The following CADPS variants were observed in gnomAD, a reference collection of about 807,000 sequenced individuals.
CADPS encodes calcium-dependent secretion activator 1.
CADPS carries 57 observed loss-of-function variants against 167.3 expected under a neutral mutation model. That is an observed-to-expected ratio of 0.34 (90% CI 0.28 to 0.42). CADPS has a LOEUF of 0.42. CADPS is among the 20% of genes least tolerant of loss of function. The pLI is 1.00. For missense variants in CADPS, 1,414 were observed against 1,738.1 expected, an observed-to-expected ratio of 0.81 and a Z score of 3.32; for synonymous variants, 676 against 635.3, an observed-to-expected ratio of 1.06 and a Z score of -0.96.
At chr3:62,792,343 A>C (rs1014908222) in intron 1 of CADPS, among the ~76,000 whole-genome samples, 4 of 151,658 alleles carry the variant, frequency 2.6e-5, no homozygotes, top group Non-Finnish European at 5.9e-5. Context: ...AGCTTGGACT[A>C]CAGGCATGCA....
intron 27 of CADPS, among the ~76,000 whole-genome samples, chr3:62,443,447 C>T (rs891574047): frequency 1.3e-5 from 2 of 152,080 alleles, no homozygotes; most frequent in Non-Finnish European, 2.9e-5. Flanking sequence ...AATTTGTTTC[C>T]TCATAGCCTA....
chr3:62,795,213 G>T (rs2093318499), intron 1 of CADPS, among the ~76,000 whole-genome samples: 1 of 151,990 alleles, frequency 6.6e-6, no homozygotes, highest in Non-Finnish European at 1.5e-5. Flanking sequence ...ACCAGCTCTT[G>T]GCAAAACCTC....
chr3:62,456,525 A>G (rs898719182), intron 26 of CADPS, among the ~76,000 whole-genome samples: 1 of 152,178 alleles, frequency 6.6e-6, no homozygotes, highest in Non-Finnish European at 1.5e-5. Flanking sequence ...ACAAACAAGC[A>G]CCAAATGGAA....
intron 6 of CADPS, among the ~76,000 whole-genome samples, chr3:62,625,047 G>T (rs1341389717): frequency 6.8e-6 from 1 of 146,198 alleles, no homozygotes; most frequent in Admixed American, 6.6e-5. Flanking sequence ...CCCTCTTCTT[G>T]GGTTGACTAC....
intron 1 of CADPS, among the ~76,000 whole-genome samples, chr3:62,793,506 C>T (rs1033126761): frequency 9.8e-5 from 15 of 152,296 alleles, no homozygotes; most frequent in Admixed American, 9.8e-4. Context: ...CACAGTTAAA[C>T]CAGAATGTGG....
chr3:62,589,319 C>G (rs2085401309), intron 7 of CADPS, among the ~76,000 whole-genome samples: 1 of 152,208 alleles, frequency 6.6e-6, no homozygotes, highest in Non-Finnish European at 1.5e-5. Context: ...AAGAGCCAGG[C>G]AGGCCAGCTC....
At chr3:62,870,254 G>A (rs986571059) in intron 1 of CADPS, among the ~76,000 whole-genome samples, 4 of 152,088 alleles carry the variant, frequency 2.6e-5, no homozygotes, top group African/African-American at 7.2e-5. Context: ...TCAAAAGGTA[G>A]AATTTTTTTT....
chr3:62,823,513 A>G (rs914460046), intron 1 of CADPS, among the ~76,000 whole-genome samples: 19 of 152,200 alleles, frequency 1.2e-4, no homozygotes, highest in Non-Finnish European at 2.4e-4. Flanking sequence ...TTTTAAAAAA[A>G]TATAAGAAAA....
At chr3:62,606,696 C>T (rs1217121079) in intron 6 of CADPS, among the ~76,000 whole-genome samples, 5 of 152,360 alleles carry the variant, frequency 3.3e-5, no homozygotes, top group East Asian at 3.9e-4. Flanking sequence ...TGACTTTCTT[C>T]GGCCAACGGG....
rs12634326 is a variant in CADPS, at chr3:62,667,775, C to A, written c.889-5381G>T. 9.5e-4 allele frequency among the ~76,000 whole-genome samples: 144 copies of A among 151,806 alleles called. 2 individuals are homozygous for A. In the East Asian group the frequency reaches 0.025, roughly 27 times the overall value. ...TTTCCTGTGTGCTTCATTTTTCTCA[C>A]GTCTGCAGACAGAATTTTGGGGGTG... On this transcript the variant is annotated intron_variant, in intron 3 of 29. Transcript: ENST00000383710.
chr3:62,729,339 G>T (rs1265283658), intron 3 of CADPS, among the ~76,000 whole-genome samples: 1 of 151,856 alleles, frequency 6.6e-6, no homozygotes, highest in Non-Finnish European at 1.5e-5. Context: ...AATTGTCAGG[G>T]AGTGGAAGGA....
rs955524629 is a variant in CADPS at position 62,592,077 on chromosome 3, C to T, written c.1437+560G>A. On this transcript the variant is annotated intron_variant, in intron 7 of 29. Transcript: ENST00000383710. ...CTTAATATGTCAGTAAATCGGTTTA[C>T]TGATCCTCAGGCTTAGGAGTCACCA... Among the ~76,000 whole-genome samples the T allele has an allele frequency of 2.6e-5, 4 of 152,274 alleles. No homozygotes were observed. In the South Asian group the frequency reaches 8.3e-4, roughly 32 times the overall value.
At chr3:62,463,797 T>G in intron 26 of CADPS, among the ~76,000 whole-genome samples, 1 of 152,220 alleles carries the variant, frequency 6.6e-6, no homozygotes, top group Non-Finnish European at 1.5e-5. Flanking sequence ...GAATTCCTAC[T>G]GTCATTATCC....
intron 3 of CADPS, among the ~76,000 whole-genome samples, chr3:62,674,578 C>CT (rs2076057070): frequency 6.6e-6 from 1 of 152,024 alleles, no homozygotes; most frequent in Non-Finnish European, 1.5e-5. Context: ...TTTATTAGTT[C>CT]TTTTAAAAGT....
At chr3:62,828,989 G>A (rs1264637773) in intron 1 of CADPS, among the ~76,000 whole-genome samples, 1 of 152,128 alleles carries the variant, frequency 6.6e-6, no homozygotes, top group African/African-American at 2.4e-5. Context: ...TCCCTGTACT[G>A]AATTTGATGG....
intron 10 of CADPS, among the ~76,000 whole-genome samples, chr3:62,552,845 T>A (rs745523276): frequency 2.8e-4 from 42 of 152,216 alleles, no homozygotes; most frequent in Non-Finnish European, 4.7e-4. Context: ...GTTTTTATTA[T>A]AAGGGACTAT....
chr3:62,535,724 GT>G (rs2074561868), intron 12 of CADPS, among the ~76,000 whole-genome samples: 1 of 151,758 alleles, frequency 6.6e-6, no homozygotes, highest in African/African-American at 2.4e-5. Flanking sequence ...TTTTTTAGGC[GT>G]TTGAATTTGA....
In CADPS at chr3:62,421,586, T is replaced by C. The variant is rs1488237184; in HGVS notation, c.3777+16518A>G. On this transcript the variant is annotated intron_variant, in intron 28 of 29. Coordinates refer to ENST00000383710, the MANE Select transcript of CADPS (RefSeq NM_003716.4). This position sits in a 1 kb window ranked among gnomAD's most constrained non-coding sequence, Gnocchi z 4.7. ...AACAACATGTTATAGACAGTAGTCT[T>C]GCTAGAAAGAGACTTTATTTTAACT... Among the ~76,000 whole-genome samples, 1 of 152,250 alleles carries C rather than the reference T, an allele frequency of 6.6e-6. No individual in the cohort carries two copies. Among genetic ancestry groups the C allele is most frequent in the African/African-American group, 2.4e-5 (1 of 41,472 alleles).
At chr3:62,645,921 A>C in intron 5 of CADPS, 78 bp from the exon 6 acceptor site, 2 of 1,543,396 alleles carry the variant, frequency 1.3e-6, no homozygotes, top group Non-Finnish European at 1.8e-6. Context: ...TACACAAATG[A>C]GAAGCTACAG....
Sources: allele counts gnomAD v4.1 joint callset (sites outside exome capture counted in the v4.1 genomes callset), GRCh38; gene constraint gnomAD v4.1.1; non-coding constraint Gnocchi (gnomAD v3.1); transcripts MANE v1.5; gene names NCBI Gene and HGNC (gene_info 2026-07-23, HGNC 2026-07-21).